SCG3: variants seen among roughly 807,000 people sequenced by gnomAD.
The protein encoded by SCG3 is secretogranin-3.
SCG3 carries 38 observed loss-of-function variants against 56.2 expected under a neutral mutation model. That is an observed-to-expected ratio of 0.68 (90% confidence interval 0.52 to 0.89). The LOEUF is 0.89. SCG3 is among the 40% of genes least tolerant of loss of function. The pLI, the probability that SCG3 is intolerant of heterozygous loss-of-function variation, is 0.00. For missense variants in SCG3, 524 were observed against 540.7 expected (o/e 0.97, Z 0.31); for synonymous variants, 176 against 184.2 (o/e 0.96, Z 0.36).
Position 51,683,245 on chromosome 15 carries a change from T to C in SCG3, c.208T>C (p.Ser70Pro). 6.2e-7 allele frequency: 1 copy of C among 1,613,734 alleles called. No individual in the cohort carries two copies. Among genetic ancestry groups the C allele is most frequent in the South Asian group, 1.1e-5 (1 of 91,028 alleles). Residue 70 changes from serine to proline, a missense_variant, in exon 4 of 12, where the codon TCT becomes CCT. Physicochemically the swap from Ser to Pro is moderately conservative, Grantham distance 74. Transcript: ENST00000220478. ...AAACAAGCCAGGTCAGAGCAACTATTCTTTTGTTGATAACTTGAACCTGCT... is the reference window on the plus strand; with the variant it reads ...AAACAAGCCAGGTCAGAGCAACTATCCTTTTGTTGATAACTTGAACCTGCT... ...PENKPGQSNY[S>P]FVDNLNLLKA...
At position 51,681,650 on chromosome 15, in the gene SCG3, C is replaced by A. The variant is rs767888882; in HGVS notation, c.-106C>A. On this transcript the variant is annotated 5_prime_UTR_variant, in exon 1 of 12. Transcript: ENST00000220478. ...TCCCGGCCCCTCTCCCGCCCCACAC[C>A]CACCCTCCTGGCTCTTCCTGTTTTT... is the stretch of plus-strand genomic sequence containing the variant. 1.7e-6 allele frequency: 1 copy of A among 589,728 alleles called. No homozygotes were observed. Among genetic ancestry groups the A allele is most frequent in the South Asian group, 1.6e-5 (1 of 63,950 alleles). The allele number at this position is 589,728 out of a possible 1,614,324, so 36.5% of individuals were successfully genotyped here. A position where few individuals can be genotyped will look rare whatever the true frequency, so the allele number is the denominator to read the frequency against.
At chr15:51,686,699 G>GTTTGTTTA (rs2055231233) in intron 4 of SCG3, among the ~76,000 whole-genome samples, 1 of 151,894 alleles carries the variant, frequency 6.6e-6, no homozygotes, top group Admixed American at 6.6e-5. Context: ...TTGTTTGTTT[G>GTTTGTTTA]TTTGTATGTT....
intron 10 of SCG3, among the ~76,000 whole-genome samples, chr15:51,702,636 C>A (rs2055346934): frequency 1.3e-5 from 2 of 152,060 alleles, no homozygotes; most frequent in African/African-American, 4.8e-5. Context: ...AATTGTTATC[C>A]CTTTGATTTC....
chr15:51,685,501 G>T (rs1038803018), intron 4 of SCG3, among the ~76,000 whole-genome samples: 3 of 152,182 alleles, frequency 2.0e-5, no homozygotes, highest in African/African-American at 7.2e-5. Context: ...CAGGTTTACC[G>T]TAGGAGGTAT....
intron 10 of SCG3, among the ~76,000 whole-genome samples, chr15:51,711,159 T>C (rs1193608992): frequency 6.6e-6 from 1 of 152,256 alleles, no homozygotes; most frequent in African/African-American, 2.4e-5. Flanking sequence ...TGCATTGATC[T>C]ACCCATTTCA....
chr15:51,701,151 G>A lies in SCG3; in HGVS notation c.1114G>A (p.Glu372Lys), dbSNP rs1433537276. ...SHEETDSTKE[E>K]AAKMEKEYGS... ...TGAAGAAACAGACAGTACCAAGGAA[G>A]AAGCAGCTAAGATGGAAAAGGAATA... Residue 372 changes from glutamate to lysine, a missense_variant, in exon 10 of 12, where the codon GAA becomes AAA. Coordinates refer to ENST00000220478, the MANE Select transcript of SCG3 (RefSeq NM_013243.4). 1.2e-6 allele frequency: 2 copies of A among 1,613,806 alleles called. No homozygotes were observed. Among genetic ancestry groups the A allele is most frequent in the Non-Finnish European group, 8.5e-7 (1 of 1,179,936 alleles).
intron 11 of SCG3, among the ~76,000 whole-genome samples, chr15:51,714,759 C>T (rs953295712): frequency 1.3e-5 from 2 of 152,146 alleles, no homozygotes; most frequent in Non-Finnish European, 2.9e-5. Context: ...ATTTTCAGCA[C>T]CCTGGTAGCT....
chr15:51,711,695 G>A (rs1488905220), intron 10 of SCG3, among the ~76,000 whole-genome samples: 1 of 152,186 alleles, frequency 6.6e-6, no homozygotes, highest in African/African-American at 2.4e-5. Context: ...ATGTTGTGCA[G>A]GCTGGTCTTG....
intron 9 of SCG3, among the ~76,000 whole-genome samples, chr15:51,700,557 G>C (rs1001909340): frequency 1.3e-5 from 2 of 152,192 alleles, no homozygotes; most frequent in Non-Finnish European, 2.9e-5. Context: ...AGGGTTCCTA[G>C]GGGTAAAGGA....
Position 51,699,320 on chromosome 15 carries a change from A to C in SCG3, c.987A>C (p.Glu329Asp). 6.2e-7 allele frequency: 1 copy of C among 1,600,262 alleles called. No individual in the cohort carries two copies. Among genetic ancestry groups the C allele is most frequent in the Non-Finnish European group, 8.5e-7 (1 of 1,175,206 alleles). The part of the protein sequence containing the change: ...ISPEEGVSYL[E>D]NLDEMIALQT... ...AATTTCTTTCCTTCCTCCCTCCAGA[A>C]AACTTGGATGAAATGATTGCTCTTC... The change falls in exon 9 of 12, where the codon GAA (glutamate) becomes GAC (aspartate). Residue 329 changes from glutamate to aspartate, a missense_variant and splice_region_variant. Coordinates refer to ENST00000220478, the MANE Select transcript of SCG3 (RefSeq NM_013243.4).
In SCG3 at chr15:51,689,990, T is replaced by C. The variant is rs116093723; in HGVS notation, c.690+622T>C. On this transcript the variant is annotated intron_variant, in intron 6 of 11. Transcript: ENST00000220478. ...ACAATATCACATAATAACATCTGTG[T>C]GTACAGTCCCAGTGAACTGCAAGCA... Among the ~76,000 whole-genome samples the C allele has an allele frequency of 3.9e-3, 593 of 152,280 alleles. 4 individuals are homozygous for C. The highest frequency in any genetic ancestry group is 0.014 in the African/African-American group (577 of 41,550).
In SCG3 at chr15:51,689,310, A is replaced by C. The variant is rs2055250781; in HGVS notation, c.632A>C (p.Asp211Ala). 1 of 1,613,810 alleles carries C rather than the reference A, an allele frequency of 6.2e-7. No individual in the cohort carries two copies. Among genetic ancestry groups the C allele is most frequent in the African/African-American group, 1.3e-5 (1 of 74,876 alleles). The change falls in exon 6 of 12, where the codon GAT becomes GCT. Residue 211 changes from aspartate (D) to alanine (A), a missense_variant. Coordinates refer to ENST00000220478, the MANE Select transcript of SCG3 (RefSeq NM_013243.4). Reference sequence around the variant, plus strand: ...AAGGAAGCCAACAATTATGAGGAGGATCCCAATAAGCCCACAAGCTGGACT... The same window carrying C: ...AAGGAAGCCAACAATTATGAGGAGGCTCCCAATAAGCCCACAAGCTGGACT... ...ISKEANNYEE[D>A]PNKPTSWTEN...
chr15:51,696,072 A>G (rs188621363), intron 8 of SCG3, 81 bp downstream of exon 8: 1 of 788,604 alleles, frequency 1.3e-6, no homozygotes, highest in East Asian at 2.5e-5. Flanking sequence ...TAATGACCTC[A>G]TTAATTTGAT....
intron 2 of SCG3, among the ~76,000 whole-genome samples, chr15:51,682,789 TATA>T (rs1401761002): frequency 5.3e-5 from 8 of 152,202 alleles, no homozygotes; most frequent in Admixed American, 1.3e-4. Context: ...AGAGTAACTA[TATA>T]ATAACCCAGT....
chr15:51,701,992 G>C (rs2055342476), intron 10 of SCG3, among the ~76,000 whole-genome samples: 1 of 152,154 alleles, frequency 6.6e-6, no homozygotes, highest in Admixed American at 6.5e-5. Flanking sequence ...TAAATGATGA[G>C]TTAATGGGTG....
chr15:51,700,688 T>G (rs2055333771), intron 9 of SCG3, among the ~76,000 whole-genome samples: 1 of 152,058 alleles, frequency 6.6e-6, no homozygotes, highest in South Asian at 2.1e-4. Context: ...AGCTATAGAG[T>G]TATTATCATT....
Position 51,696,221 on chromosome 15 carries a change from A to G in SCG3, c.985+230A>G, listed in dbSNP as rs1333292565. Among the ~76,000 whole-genome samples the G allele has an allele frequency of 2.6e-5, 4 of 152,288 alleles. No homozygotes were observed. In the East Asian group the frequency reaches 5.8e-4, roughly 22 times the overall value. Reference sequence around the variant, plus strand: ...CACATTTATTAATTGTCTCATTAGCATTTTCTAATAATCTTATGGAGACAA... The same window carrying G: ...CACATTTATTAATTGTCTCATTAGCGTTTTCTAATAATCTTATGGAGACAA... On this transcript the variant is annotated intron_variant, in intron 8 of 11. Coordinates refer to ENST00000220478, the MANE Select transcript of SCG3 (RefSeq NM_013243.4).
chr15:51,719,019 C>T (rs1239480360), intron 11 of SCG3, among the ~76,000 whole-genome samples: 1 of 152,106 alleles, frequency 6.6e-6, no homozygotes, highest in Non-Finnish European at 1.5e-5. Flanking sequence ...CACCTGACAG[C>T]CGTTTAAAAT....
At chr15:51,718,140 A>G (rs778689564) in intron 11 of SCG3, among the ~76,000 whole-genome samples, 7 of 152,192 alleles carry the variant, frequency 4.6e-5, no homozygotes, top group Non-Finnish European at 1.0e-4. Context: ...TAAGCCAGGA[A>G]TCATGGACGA....
Sources: gnomAD v4.1 joint callset for allele counts (sites outside exome capture counted in the v4.1 genomes callset) on GRCh38, gnomAD v4.1.1 for gene constraint, MANE v1.5 for transcripts, NCBI Gene and HGNC (gene_info 2026-07-23, HGNC 2026-07-21) for gene names.